The following SCUBE1 variants were observed in gnomAD, a reference collection of about 807,000 sequenced individuals.
The protein encoded by SCUBE1 is signal peptide, CUB domain and EGF like domain containing 1, also known as signal peptide, CUB and EGF-like domain-containing protein 1.
Under a neutral mutation model 124.4 loss-of-function variants are expected in SCUBE1, and 59 were observed. The ratio of observed to expected loss-of-function variants is 0.47; its 90% CI spans 0.38 to 0.59. The LOEUF (loss-of-function observed/expected upper bound fraction) is 0.59. Ranked by LOEUF, SCUBE1 falls within the 20% of genes least tolerant of loss-of-function variation. SCUBE1 has a pLI of 0.00. For missense variants in SCUBE1, 1,150 were observed against 1,371.2 expected, an observed-to-expected ratio of 0.84 and a Z score of 2.55; for synonymous variants, 545 against 550.9, an observed-to-expected ratio of 0.99 and a Z score of 0.15.
rs1921521625 is a variant in SCUBE1, at chr22:43,210,931, G to T, written c.2374C>A (p.His792Asn). The T allele has an allele frequency of 6.2e-7, 1 of 1,613,952 alleles. No individual in the cohort carries two copies. Among genetic ancestry groups the T allele is most frequent in the African/African-American group, 1.3e-5 (1 of 74,928 alleles). ...TDFDGSTNVT[H>N]CKNQHCGGEL... The stretch of plus-strand genomic sequence containing the variant: ...GAGCAGCAGCACCCACTTTTGCAGT[G>T]TGTGACGTTGGTGGAGCCATCGAAG... The change falls in exon 18 of 22, where the codon CAC becomes AAC. Residue 792 changes from histidine to asparagine, a missense_variant. This residue lies in a region of SCUBE1 where 757 missense variants were observed against 840.9 expected (regional missense o/e 0.90). Transcript: ENST00000360835. The surrounding 1 kb of genome is among the most constrained non-coding windows in gnomAD (Gnocchi z 4.5).
intron 9 of SCUBE1, 29 bp from the exon 10 acceptor site, chr22:43,227,525 G>A (rs775219586): frequency 1.7e-5 from 27 of 1,600,356 alleles, no homozygotes; most frequent in Non-Finnish European, 2.1e-5. Flanking sequence ...TAAGGGCAGA[G>A]GGGAGGCTGG....
rs1923727306 is a variant in SCUBE1, at chr22:43,258,037, C to G, written c.727+182G>C. On this transcript the variant is annotated intron_variant, in intron 6 of 21. Transcript: ENST00000360835. This position sits in a 1 kb window ranked among gnomAD's most constrained non-coding sequence, Gnocchi z 5.0. ...GCTGCAGGCCCCAGAGAAGCCTCCC[C>G]AGAAAGCCTCCCCAGGGGCGCCGGC... Among the ~76,000 whole-genome samples the G allele has an allele frequency of 6.6e-6, 1 of 152,120 alleles. No homozygotes were observed. Among genetic ancestry groups the G allele is most frequent in the South Asian group, 2.1e-4 (1 of 4,838 alleles).
chr22:43,238,369 T>G, intron 7 of SCUBE1: 4 of 279,996 alleles, frequency 1.4e-5, no homozygotes, highest in African/African-American at 2.2e-5. Context: ...TTTCCTGGCA[T>G]GAGTAGACCT....
intron 4 of SCUBE1, among the ~76,000 whole-genome samples, chr22:43,279,816 G>A (rs776436207): frequency 1.3e-5 from 2 of 152,178 alleles, no homozygotes; most frequent in Non-Finnish European, 2.9e-5. Context: ...ACAAAAATGG[G>A]GTTTCCAAGT....
chr22:43,269,078 C>T (rs1406212154), intron 4 of SCUBE1, among the ~76,000 whole-genome samples: 1 of 152,136 alleles, frequency 6.6e-6, no homozygotes, highest in Non-Finnish European at 1.5e-5. Context: ...TCACAACAAG[C>T]CTGATGAGCG....
intron 3 of SCUBE1, among the ~76,000 whole-genome samples, chr22:43,300,928 T>C (rs1342789157): frequency 2.6e-5 from 4 of 152,152 alleles, no homozygotes; most frequent in African/African-American, 9.7e-5. Context: ...GTGGACATCC[T>C]GCGGGCGTGA....
intron 9 of SCUBE1, among the ~76,000 whole-genome samples, chr22:43,228,268 G>T (rs1922405836): frequency 6.6e-6 from 1 of 152,144 alleles, no homozygotes; most frequent in Non-Finnish European, 1.5e-5. Context: ...AGTCCCAGCA[G>T]CCTGGCTCTG....
intron 21 of SCUBE1, among the ~76,000 whole-genome samples, chr22:43,205,007 C>T (rs1333940421): frequency 6.6e-6 from 1 of 151,604 alleles, no homozygotes; most frequent in Non-Finnish European, 1.5e-5. Flanking sequence ...ACACAACCAA[C>T]ATCTGCAAAC....
rs1261706499 is a variant in SCUBE1 at position 43,258,163 on chromosome 22, T to G, written c.727+56A>C. 3.4e-4 allele frequency: 318 copies of G among 926,820 alleles called. No homozygotes were observed. Among genetic ancestry groups the G allele is most frequent in the East Asian group, 7.2e-4 (20 of 27,662 alleles). The allele number at this position is 926,820 out of a possible 1,614,324, so 57.4% of individuals were successfully genotyped here. A position where few individuals can be genotyped will look rare whatever the true frequency, so the allele number is the denominator to read the frequency against. ...GGTGCTGGCCCTGCTGGTGCACGCA[T>G]GGGGGGTCGGGGGCGGGGGGCGCAA... On this transcript the variant is annotated intron_variant, in intron 6 of 21. Coordinates refer to ENST00000360835, the MANE Select transcript of SCUBE1 (RefSeq NM_173050.5). The surrounding 1 kb of genome is among the most constrained non-coding windows in gnomAD (Gnocchi z 5.0).
intron 4 of SCUBE1, among the ~76,000 whole-genome samples, chr22:43,270,809 G>A (rs1924264579): frequency 6.6e-6 from 1 of 152,168 alleles, no homozygotes; most frequent in South Asian, 2.1e-4. Context: ...AAATCTGACT[G>A]TGTCTTCCTA....
At chr22:43,220,882 G>A (rs750754730) in intron 13 of SCUBE1, among the ~76,000 whole-genome samples, 6 of 152,132 alleles carry the variant, frequency 3.9e-5, no homozygotes, top group Non-Finnish European at 5.9e-5. Context: ...GTGCAGACTC[G>A]GCTCTGGGCA....
rs1484290581 is a variant in SCUBE1, at chr22:43,198,545, GCT to G, written c.*5450_*5451del. On this transcript the variant is annotated 3_prime_UTR_variant, in exon 22 of 22. Transcript: ENST00000360835. ...CGCGGTAGAATAGGAGGCGCTCTCT[GCT>G]CTCTCTCCACATCCTCACTCCACCC... 4.4e-6 allele frequency: 2 copies of G among 456,648 alleles called. No individual in the cohort carries two copies. Among genetic ancestry groups the G allele is most frequent in the South Asian group, 3.1e-5 (2 of 64,574 alleles). The allele number at this position is 456,648 out of a possible 1,614,324, so 28.3% of individuals were successfully genotyped here.
intron 20 of SCUBE1, 152 bp downstream of exon 20, chr22:43,207,920 C>T (rs542404730): frequency 1.1e-6 from 1 of 920,124 alleles, no homozygotes; most frequent in East Asian, 2.4e-5. Flanking sequence ...CTCAGCCTGT[C>T]TGGCTCTGGC....
intron 6 of SCUBE1, among the ~76,000 whole-genome samples, chr22:43,256,512 G>C (rs73886533): frequency 0.013 from 1,906 of 152,324 alleles, 35 homozygotes; most frequent in African/African-American, 0.043. Flanking sequence ...GCAGGGGCTG[G>C]GTAAGGAAGG....
chr22:43,325,834 C>T (rs1926709476), intron 2 of SCUBE1, among the ~76,000 whole-genome samples: 1 of 152,114 alleles, frequency 6.6e-6, no homozygotes, highest in African/African-American at 2.4e-5. Context: ...TCACCCAGCT[C>T]CGCTTTTTGT....
intron 6 of SCUBE1, among the ~76,000 whole-genome samples, chr22:43,246,934 C>T (rs1240744036): frequency 6.6e-6 from 1 of 152,114 alleles, no homozygotes; most frequent in African/African-American, 2.4e-5. Flanking sequence ...CTCCCTCTCC[C>T]TCTCCAGAGC....
At chr22:43,229,553 G>C (rs1922468821) in intron 8 of SCUBE1, among the ~76,000 whole-genome samples, 1 of 152,196 alleles carries the variant, frequency 6.6e-6, no homozygotes, top group African/African-American at 2.4e-5. Flanking sequence ...ACGGACTGCA[G>C]CTGGCCCCAG....
chr22:43,280,537 A>C (rs1232511475), intron 4 of SCUBE1, among the ~76,000 whole-genome samples: 4 of 103,712 alleles, frequency 3.9e-5, no homozygotes, highest in Non-Finnish European at 6.0e-5. Context: ...CCCCTCACCC[A>C]TCCTCCTGTC....
At chr22:43,319,877 G>C in intron 3 of SCUBE1, 60 bp downstream of exon 3, 1 of 1,592,930 alleles carries the variant, frequency 6.3e-7, no homozygotes, top group East Asian at 2.3e-5. Flanking sequence ...AACTCTGTAA[G>C]CTGGAGCAAA....
Sources: allele counts gnomAD v4.1 joint callset (sites outside exome capture counted in the v4.1 genomes callset), GRCh38; gene constraint gnomAD v4.1.1; regional missense constraint gnomAD v4.1.1; non-coding constraint Gnocchi (gnomAD v3.1); transcripts MANE v1.5; gene names NCBI Gene and HGNC (gene_info 2026-07-23, HGNC 2026-07-21).